The following STARD13 variants were observed in gnomAD, a reference collection of about 807,000 sequenced individuals.
STARD13 encodes StAR related lipid transfer domain containing 13, also known as stAR-related lipid transfer protein 13.
In STARD13, 62 loss-of-function variants were observed where a neutral mutation model predicts 106.4. The ratio of observed to expected loss-of-function variants is 0.58; its 90% CI spans 0.48 to 0.72. STARD13 has a LOEUF of 0.72. Ranked by LOEUF, STARD13 falls within the 30% of genes least tolerant of loss-of-function variation. The pLI is 0.00. For synonymous variants in STARD13, 565 were observed against 553.0 expected (o/e 1.02, Z -0.31); for missense variants, 1,387 against 1,424.0 (o/e 0.97, Z 0.42).
intron 1 of STARD13, chr13:33,349,341 G>T: frequency 4.4e-6 from 3 of 679,026 alleles, no homozygotes; most frequent in Non-Finnish European, 8.1e-6. Flanking sequence ...GGTGAATGGG[G>T]TCCTAAACCC....
At chr13:33,412,732 G>A in the STARD13 span, among the ~76,000 whole-genome samples, 1 of 152,196 alleles carries the variant, frequency 6.6e-6, no homozygotes, top group South Asian at 2.1e-4. Flanking sequence ...GGGACACTAT[G>A]TAAAAGGGTA....
the STARD13 span, among the ~76,000 whole-genome samples, chr13:33,456,436 C>T: frequency 6.6e-6 from 1 of 152,094 alleles, no homozygotes; most frequent in African/African-American, 2.4e-5. Flanking sequence ...GAGATCTGCC[C>T]CCCTCAGCCT....
intron 1 of STARD13, among the ~76,000 whole-genome samples, chr13:33,190,279 A>G (rs1014267509): frequency 2.6e-5 from 4 of 152,148 alleles, no homozygotes. Flanking sequence ...AAAAAAAATG[A>G]AAAGAATTTA....
intron 3 of STARD13, among the ~76,000 whole-genome samples, chr13:33,161,718 A>G (rs1188576701): frequency 2.0e-5 from 3 of 152,158 alleles, no homozygotes; most frequent in African/African-American, 4.8e-5. Context: ...TTATATATAT[A>G]TGTATTAGTC....
intron 1 of STARD13, among the ~76,000 whole-genome samples, chr13:33,308,903 C>A (rs1371846160): frequency 6.6e-6 from 1 of 152,194 alleles, no homozygotes; most frequent in African/African-American, 2.4e-5. Context: ...CATAGCATAC[C>A]TGATCATTGT....
chr13:33,636,711 TA>T, the STARD13 span, among the ~76,000 whole-genome samples: 5 of 152,180 alleles, frequency 3.3e-5, no homozygotes, highest in Non-Finnish European at 7.4e-5. Context: ...AAACTATTTT[TA>T]AAAAATGAGT....
chr13:33,232,490 T>C (rs1216889675), intron 1 of STARD13, among the ~76,000 whole-genome samples: 1 of 152,204 alleles, frequency 6.6e-6, no homozygotes, highest in African/African-American at 2.4e-5. Context: ...GTACTCTGTT[T>C]AGTCATCTAG....
chr13:33,504,283 C>T, the STARD13 span, among the ~76,000 whole-genome samples: 3 of 152,112 alleles, frequency 2.0e-5, no homozygotes, highest in Non-Finnish European at 4.4e-5. Context: ...ATAAATCATG[C>T]TGCTATAAAG....
At chr13:33,490,730 ACTGGACAAGAG>A in the STARD13 span, among the ~76,000 whole-genome samples, 1 of 152,234 alleles carries the variant, frequency 6.6e-6, no homozygotes, top group Non-Finnish European at 1.5e-5. Flanking sequence ...TTTCCGGGAC[ACTGGACAAGAG>A]CTCGGGATAC....
At chr13:33,369,592 T>C in the STARD13 span, among the ~76,000 whole-genome samples, 1 of 152,208 alleles carries the variant, frequency 6.6e-6, no homozygotes, top group Non-Finnish European at 1.5e-5. Flanking sequence ...TGAGAACATA[T>C]TTTTCTTCTA....
At chr13:33,577,884 C>T in the STARD13 span, among the ~76,000 whole-genome samples, 2 of 151,978 alleles carry the variant, frequency 1.3e-5, no homozygotes, top group Non-Finnish European at 2.9e-5. Context: ...AAATTCAAAA[C>T]TTCTGTTTTG....
intron 10 of STARD13, among the ~76,000 whole-genome samples, chr13:33,111,132 A>G (rs1431451057): frequency 6.6e-6 from 1 of 152,242 alleles, no homozygotes; most frequent in Non-Finnish European, 1.5e-5. Flanking sequence ...AAAACATTGC[A>G]ATGACTTCCC....
chr13:33,454,871 G>T, the STARD13 span, among the ~76,000 whole-genome samples: 1 of 152,162 alleles, frequency 6.6e-6, no homozygotes, highest in African/African-American at 2.4e-5. Context: ...TGTGAGAGTA[G>T]AAGAGGCAAG....
chr13:33,239,842 G>A (rs1889378702), intron 1 of STARD13, among the ~76,000 whole-genome samples: 1 of 152,038 alleles, frequency 6.6e-6, no homozygotes. Context: ...CCATTTCATA[G>A]GTTGCTTTTT....
At chr13:33,290,100 A>G (rs1165669674), upstream of STARD13, among the ~76,000 whole-genome samples, 1 of 152,180 alleles carries the variant, frequency 6.6e-6, no homozygotes, top group Non-Finnish European at 1.5e-5. Context: ...TTAGCGCTCA[A>G]TGGAATCTTG....
the STARD13 span, among the ~76,000 whole-genome samples, chr13:33,466,001 C>T: frequency 6.6e-6 from 1 of 152,128 alleles, no homozygotes; most frequent in African/African-American, 2.4e-5. Context: ...AGAGTCCCCA[C>T]TGAGGAACTC....
At chr13:33,155,373 C>G (rs1881826048) in intron 3 of STARD13, 1 of 152,202 alleles carries the variant, frequency 6.6e-6, no homozygotes, top group African/African-American at 2.4e-5. Flanking sequence ...GAGCTTAGCA[C>G]ACAACTTCAT....
chr13:33,537,701 A>T, the STARD13 span, among the ~76,000 whole-genome samples: 1,740 of 152,334 alleles, frequency 0.011, 26 homozygotes, highest in African/African-American at 0.037. Flanking sequence ...AAAAAAAATT[A>T]AAAAACCAAC....
chr13:33,396,451 C>T, the STARD13 span, among the ~76,000 whole-genome samples: 2 of 152,222 alleles, frequency 1.3e-5, no homozygotes, highest in African/African-American at 2.4e-5. Context: ...ATTCACCTTA[C>T]TGGCTTCGGT....
Sources: allele counts gnomAD v4.1 joint callset (sites outside exome capture counted in the v4.1 genomes callset), GRCh38; gene constraint gnomAD v4.1.1; transcripts MANE v1.5; gene names NCBI Gene and HGNC (gene_info 2026-07-23, HGNC 2026-07-21).